Variants in KIF11 observed in about 807,000 individuals in gnomAD.
The protein encoded by KIF11 is kinesin-like protein KIF11.
A neutral mutation model predicts 121.0 loss-of-function variants in KIF11; 9 were observed. That is an observed-to-expected ratio of 0.07 (90% CI 0.04 to 0.13). KIF11 has a LOEUF of 0.13. Among genes scored for constraint, KIF11 ranks in the 10% least tolerant of loss-of-function variants. KIF11 has a pLI of 1.00. For synonymous variants in KIF11, 408 were observed against 421.0 expected, an observed-to-expected ratio of 0.97 and a Z score of 0.38; for missense variants, 846 against 1,217.5, an observed-to-expected ratio of 0.69 and a Z score of 4.54.
rs2135913781 is a variant in KIF11 at position 92,628,838 on chromosome 10, A to G, written c.1248A>G (p.Glu416=). 6.2e-7 allele frequency: 1 copy of G among 1,603,212 alleles called. No homozygotes were observed. The highest frequency in any genetic ancestry group is 8.5e-7 in the Non-Finnish European group (1 of 1,172,046). The change falls in exon 11 of 22, where the codon GAA becomes GAG. Residue 416 remains glutamate, a synonymous_variant. Transcript: ENST00000260731. ...TGAGTGGAAAATTAACTGTTCAAGA[A>G]GAGCAGATTGTAGAATTGATTGAAA... is the stretch of plus-strand genomic sequence containing the variant. The part of the protein sequence containing the change: ...RVMSGKLTVQ[E]EQIVELIEKI...
At position 92,606,674 on chromosome 10, in the gene KIF11, T is replaced by C. The variant is rs1358166749; in HGVS notation, c.266T>C (p.Ile89Thr). Residue 89 changes from isoleucine (I) to threonine (T), a missense_variant, in exon 3 of 22, where the codon ATT becomes ACT. Around this residue, in one of 5 missense-constraint regions of KIF11, gnomAD observed 140 missense variants for 193.5 expected, o/e 0.72. Transcript: ENST00000260731. ...IDVYRSVVCP[I>T]LDEVIMGYNC... is the part of the protein sequence containing the mutation. Reference sequence around the variant, plus strand: ...GTTTACCGAAGTGTTGTTTGTCCAATTCTGGATGAAGTTATTATGGGCTAT... The same window carrying C: ...GTTTACCGAAGTGTTGTTTGTCCAACTCTGGATGAAGTTATTATGGGCTAT... The C allele has an allele frequency of 6.3e-7, 1 of 1,593,518 alleles. No individual in the cohort carries two copies. The highest frequency in any genetic ancestry group is 1.7e-5 in the Admixed American group (1 of 59,922).
In KIF11 at chr10:92,626,527, C is replaced by T. The variant is rs76476312; in HGVS notation, c.1218-2281C>T. Among the ~76,000 whole-genome samples the T allele has an allele frequency of 1.2e-3, 179 of 152,186 alleles. 2 individuals are homozygous for T. The East Asian group carries it at 0.021, about 18-fold the overall frequency. On this transcript the variant is annotated intron_variant, in intron 10 of 21. Coordinates refer to ENST00000260731, the MANE Select transcript of KIF11 (RefSeq NM_004523.4). The stretch of plus-strand genomic sequence containing the variant: ...AATCTGAGATAGTTTTGTCTGAAAA[C>T]GCTTTTGGAATTAGTACAGTGTCAG...
intron 6 of KIF11, among the ~76,000 whole-genome samples, chr10:92,610,192 G>T (rs1234498765): frequency 6.6e-6 from 1 of 152,096 alleles, no homozygotes; most frequent in East Asian, 1.9e-4. Context: ...CTTTTGTGGA[G>T]CCCCCTACTG....
intron 6 of KIF11, among the ~76,000 whole-genome samples, chr10:92,611,843 G>A (rs1844500891): frequency 6.6e-6 from 1 of 152,136 alleles, no homozygotes; most frequent in South Asian, 2.1e-4. Flanking sequence ...AAGTTTCAGT[G>A]AGCTGAGATC....
intron 10 of KIF11, 70 bp downstream of exon 10, chr10:92,621,543 C>A: frequency 1.1e-6 from 1 of 888,832 alleles, no homozygotes; most frequent in Non-Finnish European, 1.8e-6. Flanking sequence ...TGAAGTAAAA[C>A]TTATGTAGCA....
At chr10:92,602,136 CT>C (rs1432558244) in intron 1 of KIF11, among the ~76,000 whole-genome samples, 1 of 152,008 alleles carries the variant, frequency 6.6e-6, no homozygotes, top group African/African-American at 2.4e-5. Flanking sequence ...GTGTATAATC[CT>C]TGTGCTGCTC....
rs36015451 is a variant in KIF11 at position 92,593,356 on chromosome 10, AT to A, written c.-14del. On this transcript the variant is annotated 5_prime_UTR_variant, in exon 1 of 22. Transcript: ENST00000260731. ...CGCCCAGGTCCGCGGCCGGGCCTTG[AT>A]TTTTTGGCGGGGACCGTCATGGCGT... The A allele has an allele frequency of 6.2e-7, 1 of 1,601,352 alleles. No individual in the cohort carries two copies. The highest frequency in any genetic ancestry group is 1.1e-5 in the South Asian group (1 of 88,830).
intron 13 of KIF11, 82 bp from the exon 14 acceptor site, chr10:92,633,541 T>C (rs1844761159): frequency 3.1e-6 from 3 of 973,476 alleles, no homozygotes; most frequent in Non-Finnish European, 4.7e-6. Context: ...GGTATACTTT[T>C]GTCAACTTCT....
chr10:92,602,906 G>T (rs530549416), intron 1 of KIF11, among the ~76,000 whole-genome samples: 1 of 150,460 alleles, frequency 6.6e-6, no homozygotes, highest in Non-Finnish European at 1.5e-5. Flanking sequence ...CCCAGGCTGG[G>T]GTGCAATGGC....
intron 17 of KIF11, among the ~76,000 whole-genome samples, chr10:92,640,200 G>GA (rs1376653856): frequency 6.6e-6 from 1 of 152,168 alleles, no homozygotes; most frequent in Non-Finnish European, 1.5e-5. Flanking sequence ...TATTACTGAT[G>GA]AAAAATATAC....
At chr10:92,595,143 T>G (rs1735362662) in intron 1 of KIF11, among the ~76,000 whole-genome samples, 1 of 152,236 alleles carries the variant, frequency 6.6e-6, no homozygotes, top group Non-Finnish European at 1.5e-5. Flanking sequence ...CACTGCAACC[T>G]CCGCCTCCCG....
In KIF11 at chr10:92,613,295, A is replaced by T; in HGVS notation, c.790-82A>T. ...AAAATTATTTTGCTGGCGATTTAAT[A>T]CATTATGTATCCTGTGAGAATGAAA... On this transcript the variant is annotated intron_variant, in intron 7 of 21. Coordinates refer to ENST00000260731, the MANE Select transcript of KIF11 (RefSeq NM_004523.4). This position sits in a 1 kb window ranked among gnomAD's most constrained non-coding sequence, Gnocchi z 4.2. 1 of 1,109,690 alleles carries T rather than the reference A, an allele frequency of 9.0e-7. No homozygotes were observed. The allele number at this position is 1,109,690 out of a possible 1,614,324, so 68.7% of individuals were successfully genotyped here.
At chr10:92,618,912 A>G (rs1202804385) in intron 9 of KIF11, among the ~76,000 whole-genome samples, 1 of 152,000 alleles carries the variant, frequency 6.6e-6, no homozygotes, top group African/African-American at 2.4e-5. Context: ...TCTTCCCACC[A>G]TATCCTTCCT....
chr10:92,598,765 C>G (rs1019687223), intron 1 of KIF11, among the ~76,000 whole-genome samples: 3 of 151,950 alleles, frequency 2.0e-5, no homozygotes, highest in African/African-American at 7.2e-5. Context: ...TAATTTCTGC[C>G]AGCAGTTTTT....
In KIF11 at chr10:92,616,779, A is replaced by G. The variant is rs1457816296; in HGVS notation, c.1075A>G (p.Ile359Val). Residue 359 changes from isoleucine (I) to valine (V), a missense_variant, in exon 9 of 22, where the codon ATA becomes GTA. By Grantham distance (29) the Ile-to-Val change is conservative. Around this residue, in one of 5 missense-constraint regions of KIF11, gnomAD observed 116 missense variants for 285.3 expected, o/e 0.41. Coordinates refer to ENST00000260731, the MANE Select transcript of KIF11 (RefSeq NM_004523.4). ...GGAATATGCTCATAGAGCAAAGAAC[A>G]TATTGAATAAGCCTGAAGTGAATCA... ...TLEYAHRAKN[I>V]LNKPEVNQKL... The G allele has an allele frequency of 3.1e-6, 5 of 1,608,100 alleles. No homozygotes were observed. Among genetic ancestry groups the G allele is most frequent in the Non-Finnish European group, 4.2e-6 (5 of 1,177,354 alleles).
At chr10:92,645,275 C>T in intron 17 of KIF11, 88 bp from the exon 18 acceptor site, 1 of 927,078 alleles carries the variant, frequency 1.1e-6, no homozygotes, top group Non-Finnish European at 1.6e-6. Flanking sequence ...TTCAGATCTG[C>T]CACTTAAGAG....
intron 17 of KIF11, among the ~76,000 whole-genome samples, chr10:92,642,594 C>T (rs1844877104): frequency 6.6e-6 from 1 of 151,998 alleles, no homozygotes; most frequent in Non-Finnish European, 1.5e-5. Context: ...TTTATTAGTT[C>T]TATCAGTTTT....
intron 9 of KIF11, among the ~76,000 whole-genome samples, chr10:92,617,609 T>C (rs921913077): frequency 2.0e-5 from 3 of 152,228 alleles, no homozygotes; most frequent in African/African-American, 7.2e-5. Context: ...TACCACTTTG[T>C]ATTTCCTACA....
chr10:92,594,615 T>C (rs1174212980), intron 1 of KIF11, among the ~76,000 whole-genome samples: 2 of 152,222 alleles, frequency 1.3e-5, no homozygotes, highest in Non-Finnish European at 2.9e-5. Flanking sequence ...TATTTCAGAC[T>C]TACAAAAAGT....
Sources: allele counts gnomAD v4.1 joint callset (sites outside exome capture counted in the v4.1 genomes callset), GRCh38; gene constraint gnomAD v4.1.1; regional missense constraint gnomAD v4.1.1; non-coding constraint Gnocchi (gnomAD v3.1); transcripts MANE v1.5; gene names NCBI Gene and HGNC (gene_info 2026-07-23, HGNC 2026-07-21).